SRGAP2B: variants seen among roughly 807,000 people sequenced by gnomAD.
SRGAP2B encodes SLIT-ROBO Rho GTPase-activating protein 2B.
Under a neutral mutation model 22.2 loss-of-function variants are expected in SRGAP2B, and 9 were observed. The ratio of observed to expected loss-of-function variants is 0.41; its 90% CI spans 0.24 to 0.71. The LOEUF is 0.71. SRGAP2B is among the 30% of genes least tolerant of loss of function. SRGAP2B has a pLI of 0.35. For synonymous variants in SRGAP2B, 36 were observed against 87.4 expected, an observed-to-expected ratio of 0.41 and a Z score of 3.28; for missense variants, 114 against 235.8, an observed-to-expected ratio of 0.48 and a Z score of 3.38.
At chr1:145,006,910 C>T (rs1419094709) in intron 2 of SRGAP2B, among the ~76,000 whole-genome samples, 3 of 150,726 alleles carry the variant, frequency 2.0e-5, no homozygotes, top group East Asian at 3.9e-4. Context: ...GAGGATAGAC[C>T]GCATTCAGAA....
At chr1:145,044,696 A>C (rs1256027052) in intron 2 of SRGAP2B, among the ~76,000 whole-genome samples, 14 of 131,852 alleles carry the variant, frequency 1.1e-4, no homozygotes, top group East Asian at 6.6e-4. Flanking sequence ...AAAAAAAAAA[A>C]AAAACAGAAA....
intron 4 of SRGAP2B, among the ~76,000 whole-genome samples, chr1:144,925,275 G>A (rs1317665987): frequency 6.7e-6 from 1 of 149,082 alleles, no homozygotes; most frequent in African/African-American, 2.6e-5. Flanking sequence ...AAAGTGCTGT[G>A]ATTACAGGAG....
At chr1:144,962,948 C>T (rs1667787032) in intron 3 of SRGAP2B, among the ~76,000 whole-genome samples, 1 of 151,546 alleles carries the variant, frequency 6.6e-6, no homozygotes, top group Non-Finnish European at 1.5e-5. Flanking sequence ...CAAGACATGG[C>T]TTTCCTGCTC....
intron 3 of SRGAP2B, among the ~76,000 whole-genome samples, chr1:144,969,388 TG>T (rs1380834229): frequency 1.7e-5 from 2 of 120,060 alleles, no homozygotes; most frequent in Non-Finnish European, 3.3e-5. Context: ...AAACAAGCAA[TG>T]GGGAAAGGAT....
chr1:144,898,552 C>G (rs1662447236), intron 7 of SRGAP2B, among the ~76,000 whole-genome samples: 1 of 149,750 alleles, frequency 6.7e-6, no homozygotes, highest in African/African-American at 2.5e-5. Flanking sequence ...AGGTCCGGGT[C>G]CTAAGAAGAA....
At chr1:144,937,208 C>T (rs1393938067) in intron 4 of SRGAP2B, among the ~76,000 whole-genome samples, 1 of 147,408 alleles carries the variant, frequency 6.8e-6, no homozygotes, top group Non-Finnish European at 1.5e-5. Flanking sequence ...TAACATTTCT[C>T]TTCCAAAGCA....
intron 1 of SRGAP2B, among the ~76,000 whole-genome samples, chr1:145,093,664 CGGGCTCCGGGCGGGAACTGCAGGAACGCG>C (rs1654168633): frequency 1.4e-5 from 2 of 146,084 alleles, no homozygotes; most frequent in South Asian, 4.2e-4. Flanking sequence ...GCCGCCTGCG[CGGGCTCCGGGCGGGAACTGCAGGAACGCG>C]GGGCACCGGG....
At chr1:144,917,522 TA>T (rs1553603910) in intron 4 of SRGAP2B, among the ~76,000 whole-genome samples, 1 of 136,958 alleles carries the variant, frequency 7.3e-6, no homozygotes, top group Admixed American at 7.1e-5. Flanking sequence ...ATGACTTAAA[TA>T]ACCTAGCCCC....
chr1:144,976,143 G>A (rs1668889368), intron 3 of SRGAP2B, among the ~76,000 whole-genome samples: 1 of 147,676 alleles, frequency 6.8e-6, no homozygotes, highest in Admixed American at 6.7e-5. Context: ...GCCTCCCAAA[G>A]TACTGGGATT....
In SRGAP2B at chr1:145,080,865, G is replaced by A. The variant is rs1281069443; in HGVS notation, c.67+11970C>T. On this transcript the variant is annotated intron_variant, in intron 2 of 9. Coordinates refer to ENST00000612199, the Ensembl canonical transcript of SRGAP2B. ...GCACCCAGCCAGGCCGATCTTCAACGTATTAATAAGCAAAAATAATGAACC... is the reference window on the plus strand; with the variant it reads ...GCACCCAGCCAGGCCGATCTTCAACATATTAATAAGCAAAAATAATGAACC... Among the ~76,000 whole-genome samples the A allele has an allele frequency of 3.3e-5, 5 of 149,668 alleles. 1 individual carries two copies. Among genetic ancestry groups the A allele is most frequent in the African/African-American group, 5.1e-5 (2 of 39,558 alleles).
intron 3 of SRGAP2B, among the ~76,000 whole-genome samples, chr1:144,978,858 CA>C (rs1229272436): frequency 6.7e-6 from 1 of 148,368 alleles, no homozygotes; most frequent in East Asian, 2.0e-4. Flanking sequence ...GGAAGCCTAC[CA>C]AAGATGTATT....
At chr1:144,955,550 G>A (rs1553610139) in exon 4 of SRGAP2B, 1 of 929,024 alleles carries the variant, frequency 1.1e-6, no homozygotes, top group Admixed American at 2.0e-5. Flanking sequence ...GCTTCACCTG[G>A]TTTAAGAGGA....
intron 4 of SRGAP2B, among the ~76,000 whole-genome samples, chr1:144,925,763 G>GA (rs1295123892): frequency 1.4e-5 from 2 of 141,534 alleles, no homozygotes; most frequent in African/African-American, 5.4e-5. Flanking sequence ...AAGAAAGAAA[G>GA]AAAGAAAGAA....
chr1:144,964,582 T>C (rs1210445151), intron 3 of SRGAP2B, among the ~76,000 whole-genome samples: 28 of 150,894 alleles, frequency 1.9e-4, no homozygotes, highest in African/African-American at 6.9e-4. Context: ...AATTAGCGAG[T>C]TCAGGTCCTT....
At chr1:144,943,580 A>C (rs1666235140) in intron 4 of SRGAP2B, among the ~76,000 whole-genome samples, 1 of 136,284 alleles carries the variant, frequency 7.3e-6, no homozygotes, top group Admixed American at 7.3e-5. Context: ...GAAGAGAGAA[A>C]GGAGAGGGAA....
At chr1:144,994,532 C>G (rs1462691331) in intron 3 of SRGAP2B, among the ~76,000 whole-genome samples, 1 of 127,656 alleles carries the variant, frequency 7.8e-6, no homozygotes. Context: ...CTACTATTTA[C>G]TAGGGGTGTG....
chr1:145,088,566 G>A (rs1213677793), intron 2 of SRGAP2B, among the ~76,000 whole-genome samples: 4 of 129,472 alleles, frequency 3.1e-5, no homozygotes, highest in African/African-American at 6.0e-5. Flanking sequence ...TGCATGAACT[G>A]TCAATCTCAA....
rs1212085079 is a variant in SRGAP2B at position 145,088,271 on chromosome 1, G to GTA, written c.67+4562_67+4563dup. ...ATATACCAGCCATCAACATTCCCAA[G>GTA]TATATATACATACACAATACGACTC... On this transcript the variant is annotated intron_variant, in intron 2 of 9. Transcript: ENST00000612199. Among the ~76,000 whole-genome samples the GTA allele has an allele frequency of 3.9e-5, 5 of 126,788 alleles. No homozygotes were observed. In the East Asian group the frequency reaches 9.0e-4, roughly 23 times the overall value. The allele number at this position is 126,788 out of a possible 152,430, so 83.2% of individuals were successfully genotyped here. A position where few individuals can be genotyped will look rare whatever the true frequency, so the allele number is the denominator to read the frequency against.
Position 144,984,706 on chromosome 1 carries a change from C to A in SRGAP2B, c.260+10302G>T, listed in dbSNP as rs1349242348. Among the ~76,000 whole-genome samples the A allele has an allele frequency of 1.3e-5, 2 of 149,498 alleles. 1 individual carries two copies. Among genetic ancestry groups the A allele is most frequent in the African/African-American group, 5.0e-5 (2 of 39,654 alleles). On this transcript the variant is annotated intron_variant, in intron 3 of 9. Coordinates refer to ENST00000612199, the Ensembl canonical transcript of SRGAP2B. ...ACCTAATTTAGATCCTTATGATCTA[C>A]TGCAGCAACTGGTTTCCTTGGTCTC...
Sources: allele counts gnomAD v4.1 joint callset (sites outside exome capture counted in the v4.1 genomes callset), GRCh38; gene constraint gnomAD v4.1.1; transcripts MANE v1.5; gene names NCBI Gene and HGNC (gene_info 2026-07-23, HGNC 2026-07-21).